PCDH9: variants seen among roughly 807,000 people sequenced by gnomAD.
PCDH9 encodes protocadherin 9.
A neutral mutation model predicts 70.6 loss-of-function variants in PCDH9; 24 were observed. The ratio of observed to expected loss-of-function variants is 0.34; its 90% CI spans 0.25 to 0.48. The LOEUF (loss-of-function observed/expected upper bound fraction) is 0.48, where lower values mean the gene tolerates loss of function less well. Ranked by LOEUF, PCDH9 falls within the 20% of genes least tolerant of loss-of-function variation. PCDH9 has a pLI of 0.99. For missense variants in PCDH9, 1,281 were observed against 1,503.6 expected (o/e 0.85, Z 2.45); for synonymous variants, 562 against 558.5 (o/e 1.01, Z -0.09).
chr13:66,637,967 G>C (rs2077661323), intron 3 of PCDH9, among the ~76,000 whole-genome samples: 1 of 151,216 alleles, frequency 6.6e-6, no homozygotes, highest in Admixed American at 6.6e-5. Context: ...CATTTTTTTA[G>C]ACAAGGAAGT....
intron 2 of PCDH9, among the ~76,000 whole-genome samples, chr13:66,916,746 T>C (rs2082564386): frequency 6.6e-6 from 1 of 151,564 alleles, no homozygotes; most frequent in East Asian, 1.9e-4. Flanking sequence ...TACATATCTT[T>C]TCAAAACTAC....
At position 66,985,202 on chromosome 13, in the gene PCDH9, C is replaced by T. The variant is rs114752203; in HGVS notation, c.3037-81597G>A. Among the ~76,000 whole-genome samples, 1,255 of 152,118 alleles carry T rather than the reference C, an allele frequency of 8.3e-3. 13 individuals are homozygous for T. The highest frequency in any genetic ancestry group is 0.031 in the Middle Eastern group (9 of 294). On this transcript the variant is annotated intron_variant, in intron 2 of 4. Coordinates refer to ENST00000377865, the MANE Select transcript of PCDH9 (RefSeq NM_203487.3). ...CAAGATAAAATTCTTTTATGCTCAA[C>T]CTTGACAAGAATATATATTCTTTCT...
intron 2 of PCDH9, among the ~76,000 whole-genome samples, chr13:66,987,791 T>C (rs1392524616): frequency 6.6e-6 from 1 of 152,070 alleles, no homozygotes; most frequent in Admixed American, 6.6e-5. Flanking sequence ...TAACTTCATA[T>C]AAATGTCTTA....
chr13:67,102,523 A>ACTT (rs2086455162), intron 2 of PCDH9, among the ~76,000 whole-genome samples: 1 of 152,122 alleles, frequency 6.6e-6, no homozygotes, highest in Non-Finnish European at 1.5e-5. Flanking sequence ...GAATGAAAAC[A>ACTT]CTTTCAAATA....
chr13:66,840,388 A>G (rs1171807204), intron 3 of PCDH9, among the ~76,000 whole-genome samples: 1 of 152,224 alleles, frequency 6.6e-6, no homozygotes, highest in Non-Finnish European at 1.5e-5. Context: ...ATTCAAATAC[A>G]TCTTGACTTA....
intron 4 of PCDH9, among the ~76,000 whole-genome samples, chr13:66,439,021 G>A (rs1360959785): frequency 6.6e-6 from 1 of 152,236 alleles, no homozygotes; most frequent in East Asian, 1.9e-4. Flanking sequence ...AGGTCTGATG[G>A]AATTCCAAGA....
chr13:66,908,575 T>C (rs2082403103), intron 2 of PCDH9, among the ~76,000 whole-genome samples: 1 of 152,156 alleles, frequency 6.6e-6, no homozygotes, highest in African/African-American at 2.4e-5. Flanking sequence ...AGCACATATC[T>C]TTATACTTAC....
rs568080135 is a variant in PCDH9, at chr13:67,056,719, T to C, written c.3037-153114A>G. Among the ~76,000 whole-genome samples, 6 of 152,292 alleles carry C rather than the reference T, an allele frequency of 3.9e-5. No individual in the cohort carries two copies. In the South Asian group the frequency reaches 1.2e-3, roughly 32 times the overall value. ...ATGGTAACTTGGTTATGACGTATTA[T>C]GACAATAATATGGGATAATATATGT... On this transcript the variant is annotated intron_variant, in intron 2 of 4. Transcript: ENST00000377865.
At chr13:66,315,375 G>A (rs75449986) in intron 4 of PCDH9, among the ~76,000 whole-genome samples, 3,845 of 152,266 alleles carry the variant, frequency 0.025, 161 homozygotes, top group African/African-American at 0.087. Context: ...CTCTAAATTT[G>A]TGATAATTTG....
At chr13:66,775,433 A>G (rs1303505298) in intron 3 of PCDH9, among the ~76,000 whole-genome samples, 6 of 152,126 alleles carry the variant, frequency 3.9e-5, no homozygotes, top group African/African-American at 7.2e-5. Flanking sequence ...GCTTGGATAT[A>G]TATTTGACTC....
intron 4 of PCDH9, among the ~76,000 whole-genome samples, chr13:66,489,847 C>T (rs1959004572): frequency 6.6e-6 from 1 of 152,174 alleles, no homozygotes; most frequent in African/African-American, 2.4e-5. Flanking sequence ...GAGCTAGTAA[C>T]AGTCTTAAAA....
chr13:67,110,378 G>A (rs1429340657), intron 2 of PCDH9, among the ~76,000 whole-genome samples: 2 of 151,840 alleles, frequency 1.3e-5, no homozygotes, highest in East Asian at 3.9e-4. Context: ...AGCCGGGGTG[G>A]CAGCATGCGC....
In PCDH9 at chr13:66,904,697, T is replaced by C. The variant is rs116071505; in HGVS notation, c.3037-1092A>G. ...GTAAAATCTGTTAGAAAATTACTGT[T>C]AGACATTTTTAAAAGCAAATGTGTT... is the stretch of plus-strand genomic sequence containing the variant. On this transcript the variant is annotated intron_variant, in intron 2 of 4. Transcript: ENST00000377865. Among the ~76,000 whole-genome samples the C allele has an allele frequency of 7.9e-3, 1,206 of 152,114 alleles. 13 individuals are homozygous for C. Among genetic ancestry groups the C allele is most frequent in the African/African-American group, 0.028 (1,146 of 41,544 alleles).
At chr13:66,673,521 A>G (rs1269375319) in intron 3 of PCDH9, among the ~76,000 whole-genome samples, 2 of 152,194 alleles carry the variant, frequency 1.3e-5, no homozygotes, top group Admixed American at 1.3e-4. Flanking sequence ...ATATGAGTGC[A>G]CAGAAAGAAT....
intron 3 of PCDH9, among the ~76,000 whole-genome samples, chr13:66,854,168 T>C (rs974028494): frequency 5.3e-5 from 8 of 152,152 alleles, no homozygotes; most frequent in Non-Finnish European, 1.0e-4. Context: ...GCTTTGAACT[T>C]GAGCAGACAT....
chr13:67,187,902 TG>T (rs1310787098), intron 2 of PCDH9, among the ~76,000 whole-genome samples: 5 of 152,080 alleles, frequency 3.3e-5, no homozygotes, highest in African/African-American at 1.2e-4. Context: ...CAATTTTTTG[TG>T]ATAGGAATAT....
At chr13:67,089,270 C>A (rs1358181163) in intron 2 of PCDH9, among the ~76,000 whole-genome samples, 1 of 151,844 alleles carries the variant, frequency 6.6e-6, no homozygotes, top group Non-Finnish European at 1.5e-5. Flanking sequence ...TAGAATTGTC[C>A]ATTTATATGG....
chr13:66,708,403 G>GTTTTTTTTTTTT (rs36087870), intron 3 of PCDH9, among the ~76,000 whole-genome samples: 23 of 136,988 alleles, frequency 1.7e-4, no homozygotes, highest in Non-Finnish European at 2.2e-4. Context: ...TTGAGATTTA[G>GTTTTTTTTTTTT]TTTTTTTTTT....
chr13:66,993,992 T>C (rs2084055680), intron 2 of PCDH9, among the ~76,000 whole-genome samples: 2 of 151,868 alleles, frequency 1.3e-5, no homozygotes, highest in African/African-American at 4.8e-5. Flanking sequence ...GGACTAAAGG[T>C]ACAAATAAAA....
Sources: allele counts gnomAD v4.1 joint callset (sites outside exome capture counted in the v4.1 genomes callset), GRCh38; gene constraint gnomAD v4.1.1; transcripts MANE v1.5; gene names NCBI Gene and HGNC (gene_info 2026-07-23, HGNC 2026-07-21).